The following RANBP17 variants were observed in gnomAD, a reference collection of about 807,000 sequenced individuals.
RANBP17 encodes the protein RAN binding protein 17.
A neutral mutation model predicts 141.2 loss-of-function variants in RANBP17; 158 were observed. The ratio of observed to expected loss-of-function variants is 1.12; its 90% CI spans 0.98 to 1.28. RANBP17 has a LOEUF of 1.28. RANBP17 is among the 50% of genes most tolerant of loss of function. RANBP17 has a pLI of 0.00. For missense variants in RANBP17, 1,438 were observed against 1,290.7 expected, an observed-to-expected ratio of 1.11 and a Z score of -1.75; for synonymous variants, 430 against 450.0, an observed-to-expected ratio of 0.96 and a Z score of 0.56.
chr5:171,108,627 G>A (rs1226509577), intron 14 of RANBP17, among the ~76,000 whole-genome samples: 1 of 151,930 alleles, frequency 6.6e-6, no homozygotes, highest in Non-Finnish European at 1.5e-5. Flanking sequence ...TGTCCAGCTG[G>A]TCTCAAACTC....
chr5:171,251,831 T>C (rs894311880), intron 24 of RANBP17: 1 of 1,271,946 alleles, frequency 7.9e-7, no homozygotes, highest in Non-Finnish European at 1.2e-6. Context: ...CTAATGACAG[T>C]CTCCAAATTC....
intron 24 of RANBP17, chr5:171,253,024 T>C: frequency 9.2e-7 from 1 of 1,088,986 alleles, no homozygotes; most frequent in South Asian, 1.3e-5. Flanking sequence ...TCTGCCGCAT[T>C]TCTTCTCTGG....
chr5:170,864,299 A>G (rs886631020), intron 1 of RANBP17, among the ~76,000 whole-genome samples: 2 of 152,226 alleles, frequency 1.3e-5, no homozygotes, highest in African/African-American at 2.4e-5. Flanking sequence ...AGATTTGTGT[A>G]GGGTGAGGTT....
At chr5:171,135,250 A>T (rs1406696534) in intron 14 of RANBP17, among the ~76,000 whole-genome samples, 1 of 150,846 alleles carries the variant, frequency 6.6e-6, no homozygotes, top group Non-Finnish European at 1.5e-5. Flanking sequence ...ACTGCACTCC[A>T]GCCTGGGCAA....
In RANBP17 at chr5:171,040,833, G is replaced by A. The variant is rs183587404; in HGVS notation, c.1710+72456G>A. Among the ~76,000 whole-genome samples the A allele has an allele frequency of 3.3e-3, 509 of 152,274 alleles. 4 individuals carry two copies. Among genetic ancestry groups the A allele is most frequent in the African/African-American group, 0.011 (471 of 41,560 alleles). ...CATTCTGCATTAGTTATCTATTGCCGCAGAACAAATTACCCCTAAACTTAG... is the reference window on the plus strand; with the variant it reads ...CATTCTGCATTAGTTATCTATTGCCACAGAACAAATTACCCCTAAACTTAG... On this transcript the variant is annotated intron_variant, in intron 14 of 27. Transcript: ENST00000523189.
chr5:171,283,817 A>G (rs1421941084), intron 25 of RANBP17, among the ~76,000 whole-genome samples: 1 of 149,200 alleles, frequency 6.7e-6, no homozygotes, highest in Admixed American at 6.8e-5. Flanking sequence ...AGACTGGGGA[A>G]ACACTGTCTC....
At chr5:171,128,621 A>ATG (rs1366952751) in intron 14 of RANBP17, among the ~76,000 whole-genome samples, 1 of 152,160 alleles carries the variant, frequency 6.6e-6, no homozygotes, top group South Asian at 2.1e-4. Context: ...ACTACCAACA[A>ATG]TGTGTCATAT....
Position 171,284,853 on chromosome 5 carries a change from A to G in RANBP17, c.2944-9030A>G, listed in dbSNP as rs534227295. On this transcript the variant is annotated intron_variant, in intron 25 of 27. Coordinates refer to ENST00000523189, the MANE Select transcript of RANBP17 (RefSeq NM_022897.5). ...TACTTACCCGTAATTGCTGTTCTCC[A>G]GAACCTAATCAGTATTGTTCTAAAT... is the stretch of plus-strand genomic sequence containing the variant. Among the ~76,000 whole-genome samples, 6 of 152,284 alleles carry G rather than the reference A, an allele frequency of 3.9e-5. No homozygotes were observed. The South Asian group carries it at 1.2e-3, about 32-fold the overall frequency.
chr5:171,160,229 C>A (rs1410817943), intron 14 of RANBP17, among the ~76,000 whole-genome samples: 1 of 152,066 alleles, frequency 6.6e-6, no homozygotes, highest in Admixed American at 6.5e-5. Context: ...TACTTTATTT[C>A]TTTGCAAGAC....
chr5:171,074,239 A>G (rs1049931995), intron 14 of RANBP17, among the ~76,000 whole-genome samples: 3 of 152,184 alleles, frequency 2.0e-5, no homozygotes, highest in East Asian at 3.9e-4. Context: ...TCATGAGAAC[A>G]TATTAAAACT....
At chr5:171,130,046 G>T (rs1375054247) in intron 14 of RANBP17, among the ~76,000 whole-genome samples, 1 of 152,138 alleles carries the variant, frequency 6.6e-6, no homozygotes, top group Non-Finnish European at 1.5e-5. Flanking sequence ...AATCAATCAT[G>T]GTCTGTGGTG....
intron 14 of RANBP17, among the ~76,000 whole-genome samples, chr5:171,127,606 AT>A (rs933478254): frequency 1.4e-4 from 22 of 152,240 alleles, no homozygotes; most frequent in African/African-American, 5.1e-4. Context: ...TATGAAAAAA[AT>A]CTTCACTATT....
In RANBP17 at chr5:171,010,784, C is replaced by G. The variant is rs182563389; in HGVS notation, c.1710+42407C>G. Among the ~76,000 whole-genome samples the G allele has an allele frequency of 2.5e-3, 385 of 151,980 alleles. 4 individuals carry two copies. The highest frequency in any genetic ancestry group is 7.8e-3 in the African/African-American group (323 of 41,442). On this transcript the variant is annotated intron_variant, in intron 14 of 27. Coordinates refer to ENST00000523189, the MANE Select transcript of RANBP17 (RefSeq NM_022897.5). ...AGGGAGTCTTATGAATAAGTTTATACCAGTAAATTTGACAACTTAGAGAAA... is the reference window on the plus strand; with the variant it reads ...AGGGAGTCTTATGAATAAGTTTATAGCAGTAAATTTGACAACTTAGAGAAA...
At chr5:171,013,824 T>G (rs1490518331) in intron 14 of RANBP17, among the ~76,000 whole-genome samples, 4 of 152,156 alleles carry the variant, frequency 2.6e-5, no homozygotes, top group African/African-American at 7.2e-5. Flanking sequence ...TTATTGGAAT[T>G]GCACTGAAGT....
intron 1 of RANBP17, among the ~76,000 whole-genome samples, chr5:170,871,152 G>A (rs769549001): frequency 7.2e-5 from 11 of 152,136 alleles, no homozygotes; most frequent in Non-Finnish European, 1.2e-4. Flanking sequence ...TGGTTCAAGC[G>A]ATTCTCCTGC....
intron 14 of RANBP17, among the ~76,000 whole-genome samples, chr5:171,045,342 CAGG>C (rs1782514666): frequency 6.6e-6 from 1 of 152,026 alleles, no homozygotes; most frequent in Non-Finnish European, 1.5e-5. Flanking sequence ...AGATTTCCTT[CAGG>C]AGAAGATAAG....
intron 25 of RANBP17, chr5:171,271,311 T>G (rs1290834425): frequency 4.7e-6 from 1 of 213,282 alleles, no homozygotes; most frequent in Admixed American, 5.8e-5. Flanking sequence ...GGAAATCATC[T>G]GCTCTTTTTT....
rs370288197 is a variant in RANBP17, at chr5:171,235,450, T to C, written c.2423-5478T>C. Reference sequence around the variant, plus strand: ...GGGCAAAAATTGTTGGTGCCTTGTCTTTAAGCACATAAGAGAGAGGAGATG... The same window carrying C: ...GGGCAAAAATTGTTGGTGCCTTGTCCTTAAGCACATAAGAGAGAGGAGATG... On this transcript the variant is annotated intron_variant, in intron 22 of 27. Transcript: ENST00000523189. 1.3e-3 allele frequency among the ~76,000 whole-genome samples: 194 copies of C among 152,156 alleles called. 9 individuals carry two copies. The South Asian group carries it at 0.039, about 31-fold the overall frequency.
chr5:171,269,640 G>A (rs1469816113), intron 25 of RANBP17, among the ~76,000 whole-genome samples: 1 of 152,296 alleles, frequency 6.6e-6, no homozygotes, highest in African/African-American at 2.4e-5. Context: ...GTGGGATTTT[G>A]TATTGGATTA....
Sources: allele counts gnomAD v4.1 joint callset (sites outside exome capture counted in the v4.1 genomes callset), GRCh38; gene constraint gnomAD v4.1.1; transcripts MANE v1.5; gene names NCBI Gene and HGNC (gene_info 2026-07-23, HGNC 2026-07-21).